MAPK14: variants seen among roughly 807,000 people sequenced by gnomAD.
MAPK14 encodes mitogen-activated protein kinase 14.
In MAPK14, 16 loss-of-function variants were observed where a neutral mutation model predicts 49.6. That is an observed-to-expected ratio of 0.32 (90% CI 0.22 to 0.49). MAPK14 has a LOEUF of 0.49. Ranked by LOEUF, MAPK14 falls within the 20% of genes least tolerant of loss-of-function variation. The pLI, the probability that MAPK14 is intolerant of heterozygous loss-of-function variation, is 0.99. For synonymous variants in MAPK14, 142 were observed against 158.0 expected (o/e 0.90, Z 0.76); for missense variants, 200 against 441.2 (o/e 0.45, Z 4.90).
At chr6:36,083,663 C>A (rs1184366380) in intron 8 of MAPK14, among the ~76,000 whole-genome samples, 1 of 152,202 alleles carries the variant, frequency 6.6e-6, no homozygotes, top group Non-Finnish European at 1.5e-5. Flanking sequence ...GCGGGAATTT[C>A]AGCAACTCCA....
chr6:36,043,976 A>T (rs2127406508), intron 1 of MAPK14, among the ~76,000 whole-genome samples: 1 of 151,524 alleles, frequency 6.6e-6, no homozygotes, highest in South Asian at 2.1e-4. Flanking sequence ...ACACCTGGCT[A>T]ATTTTGTATT....
Position 36,069,776 on chromosome 6 carries a change from A to C in MAPK14, c.306-3097A>C, listed in dbSNP as rs779876188. Among the ~76,000 whole-genome samples, 3 of 152,048 alleles carry C rather than the reference A, an allele frequency of 2.0e-5. No individual in the cohort carries two copies. The East Asian group carries it at 5.8e-4, about 29-fold the overall frequency. ...CTGGCTGCCTAAGATTTCTTAACTCACTGGTAACCATTTACACATAATAGC... is the reference window on the plus strand; with the variant it reads ...CTGGCTGCCTAAGATTTCTTAACTCCCTGGTAACCATTTACACATAATAGC... On this transcript the variant is annotated intron_variant, in intron 3 of 11. Transcript: ENST00000229794.
chr6:36,093,515 T>G (rs1765324093), intron 8 of MAPK14, among the ~76,000 whole-genome samples: 4 of 152,110 alleles, frequency 2.6e-5, no homozygotes, highest in African/African-American at 9.6e-5. Flanking sequence ...GACAGGAGAT[T>G]GAGACCATTC....
At chr6:36,052,297 C>A (rs1186665418) in intron 1 of MAPK14, among the ~76,000 whole-genome samples, 1 of 152,202 alleles carries the variant, frequency 6.6e-6, no homozygotes, top group Non-Finnish European at 1.5e-5. Context: ...GTTGGCTCAT[C>A]TAGATCAGGC....
chr6:36,071,758 G>A (rs1177285272), intron 3 of MAPK14, among the ~76,000 whole-genome samples: 1 of 152,164 alleles, frequency 6.6e-6, no homozygotes, highest in Admixed American at 6.5e-5. Context: ...CTTAATTATA[G>A]CCATGCAGTA....
intron 3 of MAPK14, among the ~76,000 whole-genome samples, chr6:36,060,145 C>T (rs1763754802): frequency 6.6e-6 from 1 of 152,134 alleles, no homozygotes; most frequent in Admixed American, 6.5e-5. Flanking sequence ...TTGAGTTGGT[C>T]ACCACTATGG....
rs201395168 is a variant in MAPK14 at position 36,027,903 on chromosome 6, G to A, written c.-255G>A. 4.9e-6 allele frequency: 2 copies of A among 411,914 alleles called. No individual in the cohort carries two copies. The highest frequency in any genetic ancestry group is 8.5e-6 in the Non-Finnish European group (2 of 235,800). The allele number at this position is 411,914 out of a possible 1,614,324, so 25.5% of individuals were successfully genotyped here. A position where few individuals can be genotyped will look rare whatever the true frequency, so the allele number is the denominator to read the frequency against. ...GGCGAAGGTGCAGGGAGATCGCGGC[G>A]GGCGCAGTCTTGAGCGCCGGAGCGC... On this transcript the variant is annotated 5_prime_UTR_variant, in exon 1 of 12. Transcript: ENST00000229794.
intron 8 of MAPK14, among the ~76,000 whole-genome samples, chr6:36,093,068 A>C (rs1765301249): frequency 6.6e-6 from 1 of 152,200 alleles, no homozygotes; most frequent in Admixed American, 6.5e-5. Context: ...AGGACTTCAA[A>C]GTGTAAATAG....
intron 8 of MAPK14, among the ~76,000 whole-genome samples, chr6:36,093,623 G>A (rs973393065): frequency 6.6e-6 from 1 of 151,766 alleles, no homozygotes; most frequent in African/African-American, 2.4e-5. Flanking sequence ...GGAGGCTGAG[G>A]CAGGAGAATG....
At chr6:36,099,330 A>G (rs1581845460) in intron 9 of MAPK14, among the ~76,000 whole-genome samples, 1 of 152,374 alleles carries the variant, frequency 6.6e-6, no homozygotes, top group East Asian at 1.9e-4. Flanking sequence ...GGTGAGTTGT[A>G]TTAACATTGA....
chr6:36,040,044 G>A (rs1414177512), intron 1 of MAPK14, among the ~76,000 whole-genome samples: 1 of 151,544 alleles, frequency 6.6e-6, no homozygotes, highest in Non-Finnish European at 1.5e-5. Flanking sequence ...ACATATTTAT[G>A]TTTCCTCATA....
At chr6:36,080,449 C>T (rs1321403002) in intron 8 of MAPK14, among the ~76,000 whole-genome samples, 1 of 152,138 alleles carries the variant, frequency 6.6e-6, no homozygotes, top group Non-Finnish European at 1.5e-5. Flanking sequence ...GAAGTAGAAT[C>T]ATATTATACT....
intron 1 of MAPK14, among the ~76,000 whole-genome samples, chr6:36,052,173 T>C (rs1023609168): frequency 2.6e-5 from 4 of 152,164 alleles, no homozygotes; most frequent in East Asian, 1.9e-4. Context: ...GGCAATTTAT[T>C]GTCCTGAAAA....
chr6:36,101,809 G>T (rs971274213), intron 9 of MAPK14, among the ~76,000 whole-genome samples: 8 of 152,080 alleles, frequency 5.3e-5, no homozygotes, highest in Non-Finnish European at 1.0e-4. Context: ...ACCGTGCCTG[G>T]GCAACCAGAA....
At chr6:36,050,616 TG>T (rs1442663081) in intron 1 of MAPK14, among the ~76,000 whole-genome samples, 2 of 152,140 alleles carry the variant, frequency 1.3e-5, no homozygotes, top group African/African-American at 4.8e-5. Flanking sequence ...AACTTTTCAA[TG>T]AATGATGGAA....
intron 3 of MAPK14, among the ~76,000 whole-genome samples, chr6:36,070,288 A>G (rs913512740): frequency 1.8e-4 from 28 of 152,216 alleles, no homozygotes; most frequent in African/African-American, 5.5e-4. Context: ...ATGTGCTGTG[A>G]TTAAGATCAT....
chr6:36,093,720 C>CAAAAAAAAAAAA (rs11343231), intron 8 of MAPK14, among the ~76,000 whole-genome samples: 2 of 83,116 alleles, frequency 2.4e-5, no homozygotes, highest in Non-Finnish European at 4.5e-5. Flanking sequence ...GACTCCGTCT[C>CAAAAAAAAAAAA]AAAAAAAAAA....
chr6:36,055,788 A>G (rs1014899293), intron 2 of MAPK14, among the ~76,000 whole-genome samples: 6 of 151,892 alleles, frequency 4.0e-5, no homozygotes, highest in African/African-American at 1.4e-4. Context: ...AAAAAAAAAA[A>G]AAAGAAATGA....
chr6:36,083,499 G>A (rs1764848402), intron 8 of MAPK14, among the ~76,000 whole-genome samples: 1 of 152,178 alleles, frequency 6.6e-6, no homozygotes, highest in Non-Finnish European at 1.5e-5. Context: ...CCAGTCTGCT[G>A]TTTTCCCCTG....
Sources: allele counts gnomAD v4.1 joint callset (sites outside exome capture counted in the v4.1 genomes callset), GRCh38; gene constraint gnomAD v4.1.1; transcripts MANE v1.5; gene names NCBI Gene and HGNC (gene_info 2026-07-23, HGNC 2026-07-21).